Variants in MYH15 observed in about 807,000 individuals in gnomAD.
MYH15 encodes myosin heavy chain 15.
MYH15 carries 227 observed loss-of-function variants against 240.5 expected under a neutral mutation model. The observed-to-expected ratio is 0.94, with a 90% CI of 0.85 to 1.05. The LOEUF is 1.05. MYH15 is among the 50% of genes least tolerant of loss of function. The pLI, the probability that MYH15 is intolerant of heterozygous loss-of-function variation, is 0.00. For missense variants in MYH15, 2,217 were observed against 2,247.5 expected (o/e 0.99, Z 0.27); for synonymous variants, 785 against 796.7 (o/e 0.99, Z 0.25).
Position 108,485,196 on chromosome 3 carries a change from C to T in MYH15, c.1009G>A (p.Glu337Lys). Residue 337 changes from glutamate to lysine, a missense_variant, in exon 11 of 41, where the codon GAG becomes AAG. By Grantham distance (56) the Glu-to-Lys change is moderately conservative. Transcript: ENST00000693548. ...AMDILGFLPD[E>K]KYGCYKLTGA... ...GTGAGTTTATAGCATCCATACTTCTCATCAGGAAGAAAGCCCAAGATGTCC... is the reference window on the plus strand; with the variant it reads ...GTGAGTTTATAGCATCCATACTTCTTATCAGGAAGAAAGCCCAAGATGTCC... 3 of 1,614,082 alleles carry T rather than the reference C, an allele frequency of 1.9e-6. No homozygotes were observed. The highest frequency in any genetic ancestry group is 1.7e-6 in the Non-Finnish European group (2 of 1,179,966).
intron 1 of MYH15, among the ~76,000 whole-genome samples, chr3:108,526,372 C>A (rs1397131932): frequency 3.3e-5 from 5 of 152,112 alleles, no homozygotes; most frequent in African/African-American, 1.2e-4. Flanking sequence ...TCCCTGTTCC[C>A]AGTTTCCCTG....
Position 108,437,588 on chromosome 3 carries a change from T to C in MYH15, c.3187A>G (p.Ser1063Gly), listed in dbSNP as rs2082850195. ...TCTTCTGCCAGGTGTCGCTGGCTGCTTTCCAGGTTCTCCATACTTTCCCGA... is the reference window on the plus strand; with the variant it reads ...TCTTCTGCCAGGTGTCGCTGGCTGCCTTCCAGGTTCTCCATACTTTCCCGA... ...LNRESMENLE[S>G]SQRHLAEELR... is the part of the protein sequence containing the mutation. Residue 1063 changes from serine (S) to glycine (G), a missense_variant, in exon 25 of 41, where the codon AGC (serine) becomes GGC (glycine). Ser to Gly is a moderately conservative substitution (Grantham distance 56). Transcript: ENST00000693548. 3 of 1,613,832 alleles carry C rather than the reference T, an allele frequency of 1.9e-6. No homozygotes were observed. Among genetic ancestry groups the C allele is most frequent in the Non-Finnish European group, 2.5e-6 (3 of 1,179,946 alleles).
At chr3:108,407,981 G>A (rs550731477) in intron 32 of MYH15, among the ~76,000 whole-genome samples, 2 of 152,322 alleles carry the variant, frequency 1.3e-5, no homozygotes, top group South Asian at 2.1e-4. Flanking sequence ...AGTAGTGAGG[G>A]TCTGGGCACT....
At chr3:108,521,399 A>C (rs2083616917) in intron 1 of MYH15, among the ~76,000 whole-genome samples, 2 of 99,552 alleles carry the variant, frequency 2.0e-5, no homozygotes, top group South Asian at 5.0e-4. Flanking sequence ...AATGATGTTA[A>C]AAAAAAAAAA....
intron 1 of MYH15, among the ~76,000 whole-genome samples, chr3:108,526,577 CT>C (rs1475544217): frequency 1.4e-5 from 2 of 146,482 alleles, no homozygotes; most frequent in African/African-American, 2.8e-5. Flanking sequence ...GTTAAGACCC[CT>C]GATAGTTACT....
In MYH15 at chr3:108,496,969, G is replaced by A. The variant is rs1361312277; in HGVS notation, c.618+1083C>T. On this transcript the variant is annotated intron_variant, in intron 6 of 40. Coordinates refer to ENST00000693548, the MANE Select transcript of MYH15 (RefSeq NM_014981.3). ...GAGGTCAGGAGATCGAGACCATCCT[G>A]GCTAACACAGCGAAACCCCGTCTCT... Among the ~76,000 whole-genome samples, 6 of 151,546 alleles carry A rather than the reference G, an allele frequency of 4.0e-5. No individual in the cohort carries two copies. In the East Asian group the frequency reaches 1.2e-3, roughly 29 times the overall value.
chr3:108,419,100 C>G (rs1409268418), intron 28 of MYH15, among the ~76,000 whole-genome samples: 1 of 152,144 alleles, frequency 6.6e-6, no homozygotes, highest in Non-Finnish European at 1.5e-5. Flanking sequence ...AATCCACTAG[C>G]TGGTTGAGAC....
chr3:108,504,458 T>G (rs1339132047), intron 2 of MYH15, among the ~76,000 whole-genome samples: 1 of 152,168 alleles, frequency 6.6e-6, no homozygotes, highest in Non-Finnish European at 1.5e-5. Context: ...AGTTTATGAG[T>G]GGCTTCCAGA....
At chr3:108,518,975 G>C (rs1039866927) in intron 1 of MYH15, among the ~76,000 whole-genome samples, 2 of 152,152 alleles carry the variant, frequency 1.3e-5, no homozygotes, top group Admixed American at 6.6e-5. Context: ...AGTTCTTTGG[G>C]TAGAGCATTA....
intron 9 of MYH15, among the ~76,000 whole-genome samples, chr3:108,489,422 T>C (rs575006929): frequency 1.3e-5 from 2 of 152,204 alleles, no homozygotes; most frequent in African/African-American, 2.4e-5. Context: ...GGAAAATATA[T>C]GTAGGACCAA....
At position 108,470,195 on chromosome 3, in the gene MYH15, T is replaced by C. The variant is rs1560401394; in HGVS notation, c.1401A>G (p.Gln467=). 6.2e-7 allele frequency: 1 copy of C among 1,608,062 alleles called. No homozygotes were observed. The highest frequency in any genetic ancestry group is 2.2e-5 in the East Asian group (1 of 44,784). Residue 467 remains glutamine (Q), a synonymous_variant, in exon 14 of 41, where the codon CAA becomes CAG. Transcript: ENST00000693548. ...TTTCATTGGTAAAATTAATGCAAAGTTGCTCAAGGCTATTATACTTCAAGG... is the reference window on the plus strand; with the variant it reads ...TTTCATTGGTAAAATTAATGCAAAGCTGCTCAAGGCTATTATACTTCAAGG... ...FEILEYNSLE[Q]LCINFTNEKL...
At chr3:108,417,891 A>G (rs1361166029) in intron 28 of MYH15, among the ~76,000 whole-genome samples, 1 of 152,150 alleles carries the variant, frequency 6.6e-6, no homozygotes, top group African/African-American at 2.4e-5. Flanking sequence ...CTTTTTATAA[A>G]TCACATCGCA....
intron 30 of MYH15, among the ~76,000 whole-genome samples, chr3:108,412,983 T>C (rs2082606256): frequency 1.3e-5 from 2 of 152,242 alleles, no homozygotes; most frequent in African/African-American, 2.4e-5. Context: ...GAGTACCATG[T>C]TTGCCCTTTA....
At chr3:108,490,798 T>C (rs2083339782) in intron 9 of MYH15, among the ~76,000 whole-genome samples, 1 of 152,194 alleles carries the variant, frequency 6.6e-6, no homozygotes, top group Non-Finnish European at 1.5e-5. Context: ...TCCACAACCC[T>C]ACCAAACCCC....
At chr3:108,416,978 T>C in intron 28 of MYH15, 48 bp from the exon 29 acceptor site, 2 of 1,410,044 alleles carry the variant, frequency 1.4e-6, no homozygotes, top group South Asian at 2.3e-5. Flanking sequence ...TTCCTATCTA[T>C]TGCCTCCTTC....
In MYH15 at chr3:108,463,207, T is replaced by C. The variant is rs761475222; in HGVS notation, c.1768A>G (p.Lys590Glu). 1.2e-6 allele frequency: 2 copies of C among 1,613,198 alleles called. No individual in the cohort carries two copies. Among genetic ancestry groups the C allele is most frequent in the Non-Finnish European group, 8.5e-7 (1 of 1,179,676 alleles). The change falls in exon 16 of 41, where the codon AAA becomes GAA. Residue 590 changes from lysine to glutamate, a missense_variant. Transcript: ENST00000693548. The part of the protein sequence containing the change: ...YNISGWLEKN[K>E]DLLNETVVAV... ...ACCACTGTTTCATTAAGGAGGTCTT[T>C]GTTCTTTTCCAGCCAACCACTGATA...
chr3:108,485,339 G>C, intron 10 of MYH15, 110 bp from the exon 11 acceptor site: 1 of 1,228,998 alleles, frequency 8.1e-7, no homozygotes, highest in South Asian at 1.4e-5. Flanking sequence ...GAATGAGACA[G>C]ACAGCTCTGT....
rs924705290 is a variant in MYH15, at chr3:108,425,677, T to C, written c.3702+2815A>G. Among the ~76,000 whole-genome samples the C allele has an allele frequency of 3.3e-5, 5 of 152,162 alleles. No individual in the cohort carries two copies. The South Asian group carries it at 1.0e-3, about 32-fold the overall frequency. ...CAGCTTCAGGAGAAACAAAGACACA[T>C]GGCAGGGATTAAAGAGTAAGGAGGT... On this transcript the variant is annotated intron_variant, in intron 27 of 40. Transcript: ENST00000693548.
chr3:108,381,458 AAT>A lies in MYH15; in HGVS notation c.*85_*86del. ...AAAGCAATTTAAACATGTTTTTAAA[AAT>A]GTTTCCATGCAACCTAAGTTTTTGG... is the stretch of plus-strand genomic sequence containing the variant. On this transcript the variant is annotated 3_prime_UTR_variant, in exon 41 of 41. Transcript: ENST00000693548. The A allele has an allele frequency of 6.9e-7, 1 of 1,446,382 alleles. No individual in the cohort carries two copies. Among genetic ancestry groups the A allele is most frequent in the Non-Finnish European group, 9.7e-7 (1 of 1,028,362 alleles). The allele number at this position is 1,446,382 out of a possible 1,614,324, so 89.6% of individuals were successfully genotyped here. A position where few individuals can be genotyped will look rare whatever the true frequency, so the allele number is the denominator to read the frequency against.
Sources: gnomAD v4.1 joint callset for allele counts (sites outside exome capture counted in the v4.1 genomes callset) on GRCh38, gnomAD v4.1.1 for gene constraint, MANE v1.5 for transcripts, NCBI Gene and HGNC (gene_info 2026-07-23, HGNC 2026-07-21) for gene names.